The following AK8 variants were observed in gnomAD, a reference collection of about 807,000 sequenced individuals.
The protein encoded by AK8 is ATP-AMP transphosphorylase 8.
Under a neutral mutation model 54.6 loss-of-function variants are expected in AK8, and 44 were observed. That is an observed-to-expected ratio of 0.81 (90% CI 0.63 to 1.04). The LOEUF (loss-of-function observed/expected upper bound fraction) is 1.04, where lower values mean the gene tolerates loss of function less well. Ranked by LOEUF, AK8 falls within the 50% of genes least tolerant of loss-of-function variation. AK8 has a pLI of 0.00. For synonymous variants in AK8, 239 were observed against 245.6 expected, an observed-to-expected ratio of 0.97 and a Z score of 0.25; for missense variants, 555 against 613.6, an observed-to-expected ratio of 0.90 and a Z score of 1.01.
In AK8 at chr9:132,827,058, C is replaced by T. The variant is rs747820200; in HGVS notation, c.557-4G>A. Reference sequence around the variant, plus strand: ...TCAAAGGTGGTGTGATAAATCTCTACAAGGAGAGAGGTGCACAGTTAGAAA... The same window carrying T: ...TCAAAGGTGGTGTGATAAATCTCTATAAGGAGAGAGGTGCACAGTTAGAAA... On this transcript the variant is annotated splice_polypyrimidine_tract_variant and splice_region_variant and intron_variant, in intron 7 of 12. Transcript: ENST00000298545. The T allele has an allele frequency of 9.3e-6, 15 of 1,613,866 alleles. No individual in the cohort carries two copies. Among genetic ancestry groups the T allele is most frequent in the Non-Finnish European group, 1.3e-5 (15 of 1,179,902 alleles).
rs183787418 is a variant in AK8, at chr9:132,828,028, C to T, written c.541G>A (p.Asp181Asn). Reference sequence around the variant, plus strand: ...GTAGCCATACCTCCAGTTTGAGGGTCGATTCTCTTCCCCAAGTTTCTCTCG... The same window carrying T: ...GTAGCCATACCTCCAGTTTGAGGGTTGATTCTCTTCCCCAAGTTTCTCTCG... The part of the protein sequence containing the change: ...LIERNLGKRI[D>N]PQTGEIYHTT... Residue 181 changes from aspartate to asparagine, a missense_variant, in exon 7 of 13, where the codon GAC becomes AAC. By Grantham distance (23) the Asp-to-Asn change is conservative. Transcript: ENST00000298545. 25 of 1,566,960 alleles carry T rather than the reference C, an allele frequency of 1.6e-5. No homozygotes were observed. In the East Asian group the frequency reaches 4.7e-4, roughly 29 times the overall value.
intron 1 of AK8, chr9:132,877,897 G>C (rs1303933349): frequency 6.8e-6 from 5 of 740,474 alleles, no homozygotes; most frequent in Non-Finnish European, 1.2e-5. Context: ...AGACCATAAG[G>C]CCCGCTGGCG....
chr9:132,847,619 C>T (rs989694576), intron 5 of AK8, among the ~76,000 whole-genome samples: 2 of 152,092 alleles, frequency 1.3e-5, no homozygotes. Flanking sequence ...AGGAGTACCA[C>T]CCCCCTATAT....
chr9:132,767,655 C>T (rs377591192), intron 11 of AK8, among the ~76,000 whole-genome samples: 18 of 152,290 alleles, frequency 1.2e-4, no homozygotes, highest in African/African-American at 3.4e-4. Flanking sequence ...TATCTGCATG[C>T]CCATGTTTAC....
intron 11 of AK8, among the ~76,000 whole-genome samples, chr9:132,737,409 C>A (rs922927688): frequency 6.6e-6 from 1 of 152,118 alleles, no homozygotes; most frequent in Non-Finnish European, 1.5e-5. Flanking sequence ...TTCCTTGATA[C>A]CAAAAACCAG....
At chr9:132,784,787 A>T (rs898458424) in intron 11 of AK8, among the ~76,000 whole-genome samples, 2 of 152,250 alleles carry the variant, frequency 1.3e-5, no homozygotes, top group Admixed American at 1.3e-4. Context: ...AAAATGAATC[A>T]AAGACATAAT....
intron 5 of AK8, among the ~76,000 whole-genome samples, chr9:132,854,535 C>T (rs1205095559): frequency 3.3e-5 from 5 of 152,262 alleles, no homozygotes; most frequent in Non-Finnish European, 5.9e-5. Flanking sequence ...ATGCCAGTCC[C>T]TGGCGCCTCA....
rs1356564066 is a variant in AK8, at chr9:132,781,522, ATAACTC to A, written c.1121+11106_1121+11111del. ...ACACTGAGTAGCTTACCCTTCCCCGATAACTCTATTTACTAGTGTGAATATATTTTA... is the reference window on the plus strand; with the variant it reads ...ACACTGAGTAGCTTACCCTTCCCCGATATTTACTAGTGTGAATATATTTTA... On this transcript the variant is annotated intron_variant, in intron 11 of 12. Transcript: ENST00000298545. The surrounding 1 kb of genome is among the most constrained non-coding windows in gnomAD (Gnocchi z 4.6). 1.3e-5 allele frequency among the ~76,000 whole-genome samples: 2 copies of A among 152,296 alleles called. No homozygotes were observed. Among genetic ancestry groups the A allele is most frequent in the Admixed American group, 1.3e-4 (2 of 15,304 alleles).
At chr9:132,740,776 C>T (rs574135049) in intron 11 of AK8, among the ~76,000 whole-genome samples, 2 of 152,202 alleles carry the variant, frequency 1.3e-5, no homozygotes, top group Non-Finnish European at 2.9e-5. Flanking sequence ...AGGAACCCAC[C>T]CAGGCCTTGG....
chr9:132,822,704 C>T (rs1377334582), intron 9 of AK8, among the ~76,000 whole-genome samples: 1 of 152,108 alleles, frequency 6.6e-6, no homozygotes, highest in Admixed American at 6.6e-5. Context: ...TTCTCTCTTC[C>T]TGGTAAAATA....
intron 11 of AK8, among the ~76,000 whole-genome samples, chr9:132,728,566 G>A (rs1836683238): frequency 6.6e-6 from 1 of 152,180 alleles, no homozygotes; most frequent in South Asian, 2.1e-4. Context: ...CACAGACTCG[G>A]TACCCCAGCG....
chr9:132,766,996 A>G (rs1410225795), intron 11 of AK8, among the ~76,000 whole-genome samples: 1 of 152,246 alleles, frequency 6.6e-6, no homozygotes, highest in East Asian at 1.9e-4. Flanking sequence ...TAGATTGAAG[A>G]CTTAAACAAA....
rs1013712670 is a variant in AK8 at position 132,770,730 on chromosome 9, C to T, written c.1121+21904G>A. The stretch of plus-strand genomic sequence containing the variant: ...GGCCCCTTCAAGGGGAGCCCTGGGG[C>T]GCAGTGTGGGGCGGTCTTGCTCCCT... On this transcript the variant is annotated intron_variant, in intron 11 of 12. Transcript: ENST00000298545. This position sits in a 1 kb window ranked among gnomAD's most constrained non-coding sequence, Gnocchi z 4.3. 3.9e-5 allele frequency among the ~76,000 whole-genome samples: 6 copies of T among 152,146 alleles called. No individual in the cohort carries two copies. Among genetic ancestry groups the T allele is most frequent in the African/African-American group, 1.4e-4 (6 of 41,438 alleles).
chr9:132,797,849 G>A (rs1286916512), intron 10 of AK8, among the ~76,000 whole-genome samples: 2 of 152,218 alleles, frequency 1.3e-5, no homozygotes, highest in Non-Finnish European at 2.9e-5. Flanking sequence ...CCTGCAGTTT[G>A]GGTGGCCTCC....
intron 6 of AK8, among the ~76,000 whole-genome samples, chr9:132,828,317 T>A (rs1264555990): frequency 1.3e-5 from 2 of 152,214 alleles, no homozygotes; most frequent in Non-Finnish European, 2.9e-5. Context: ...TTCTGCCTGT[T>A]AACAATTTCC....
chr9:132,730,541 C>A (rs367718121), intron 11 of AK8, among the ~76,000 whole-genome samples: 4 of 151,008 alleles, frequency 2.6e-5, no homozygotes, highest in African/African-American at 9.8e-5. Flanking sequence ...CATGTAATTC[C>A]CAGGGGCCAG....
intron 11 of AK8, among the ~76,000 whole-genome samples, chr9:132,739,383 G>A (rs1411918812): frequency 7.6e-6 from 1 of 132,186 alleles, no homozygotes; most frequent in Non-Finnish European, 1.5e-5. Context: ...CAGAGGTTGC[G>A]GTGAGCTGAG....
intron 4 of AK8, among the ~76,000 whole-genome samples, chr9:132,856,041 C>G (rs1251298260): frequency 6.6e-6 from 1 of 152,170 alleles, no homozygotes; most frequent in Non-Finnish European, 1.5e-5. Flanking sequence ...CCAGGGTACT[C>G]CGCACTCTCC....
chr9:132,817,339 C>T (rs1346545923), intron 9 of AK8, among the ~76,000 whole-genome samples: 1 of 152,138 alleles, frequency 6.6e-6, no homozygotes, highest in East Asian at 1.9e-4. Context: ...ATCAAAAGCT[C>T]CTTGACATGC....
Sources: gnomAD v4.1 joint callset for allele counts (sites outside exome capture counted in the v4.1 genomes callset) on GRCh38, gnomAD v4.1.1 for gene constraint, Gnocchi (gnomAD v3.1) non-coding constraint, MANE v1.5 for transcripts, NCBI Gene and HGNC (gene_info 2026-07-23, HGNC 2026-07-21) for gene names.